CDH23: variants seen among roughly 807,000 people sequenced by gnomAD.
The protein encoded by CDH23 is cadherin-23.
Under a neutral mutation model 317.1 loss-of-function variants are expected in CDH23, and 189 were observed. That is an observed-to-expected ratio of 0.60 (90% CI 0.53 to 0.67). The LOEUF is 0.67. Ranked by LOEUF, CDH23 falls within the 30% of genes least tolerant of loss-of-function variation. The pLI, the probability that CDH23 is intolerant of heterozygous loss-of-function variation, is 0.00. For missense variants in CDH23, 4,401 were observed against 4,592.4 expected (o/e 0.96, Z 1.20); for synonymous variants, 1,839 against 1,876.8 (o/e 0.98, Z 0.52).
rs1259106647 is a variant in CDH23, at chr10:71,807,310, C to T, written c.8212C>T (p.Pro2738Ser). 5 of 1,613,776 alleles carry T rather than the reference C, an allele frequency of 3.1e-6. No homozygotes were observed. Among genetic ancestry groups the T allele is most frequent in the Non-Finnish European group, 4.2e-6 (5 of 1,179,844 alleles). The part of the protein sequence containing the change: ...GSPQYQLLTV[P>S]EHSPRGTLVG... The stretch of plus-strand genomic sequence containing the variant: ...CCCCCAGTACCAGCTGCTGACAGTG[C>T]CTGAGCACTCACCACGCGGCACCCT... Residue 2738 changes from proline to serine, a missense_variant, in exon 58 of 70, where the codon CCT becomes TCT. This residue lies in a region of CDH23 where 1,144 missense variants were observed against 1,138.2 expected (regional missense o/e 1.01). Coordinates refer to ENST00000224721, the MANE Select transcript of CDH23 (RefSeq NM_022124.6).
At chr10:71,428,142 T>TC (rs55670161) in intron 1 of CDH23, among the ~76,000 whole-genome samples, 54,865 of 137,656 alleles carry the variant, frequency 0.4, 12,559 homozygotes, top group Non-Finnish European at 0.53. Context: ...TTTCTTTCTT[T>TC]TTTTTTTTTT....
In CDH23 at chr10:71,472,229, G is replaced by A. The variant is rs189229227; in HGVS notation, c.145+25834G>A. 5.3e-5 allele frequency among the ~76,000 whole-genome samples: 8 copies of A among 152,344 alleles called. No individual in the cohort carries two copies. The East Asian group carries it at 7.7e-4, about 15-fold the overall frequency. ...GCCCTGGCAGGAGACTGGATGGTGG[G>A]AGGAAGGGAGGAGCCAGGGTGTTTC... is the stretch of plus-strand genomic sequence containing the variant. On this transcript the variant is annotated intron_variant, in intron 3 of 69. Transcript: ENST00000224721.
intron 38 of CDH23, chr10:71,753,844 A>G (rs922258806): frequency 2.2e-6 from 1 of 456,428 alleles, no homozygotes; most frequent in Non-Finnish European, 4.4e-6. Context: ...ATCTATTCAA[A>G]CCATGGCTAT....
At chr10:71,806,412 T>G in intron 57 of CDH23, 131 bp downstream of exon 57, 3 of 672,178 alleles carry the variant, frequency 4.5e-6, no homozygotes, top group Non-Finnish European at 8.1e-6. Flanking sequence ...TGCATGCACT[T>G]CATGCAAGAA....
intron 6 of CDH23, among the ~76,000 whole-genome samples, chr10:71,547,029 C>T (rs535334685): frequency 7.9e-5 from 12 of 152,302 alleles, no homozygotes; most frequent in African/African-American, 2.6e-4. Flanking sequence ...TTTTTCAGTA[C>T]CTGTTTAATA....
intron 1 of CDH23, among the ~76,000 whole-genome samples, chr10:71,398,869 T>G (rs1847655427): frequency 6.6e-6 from 1 of 151,942 alleles, no homozygotes; most frequent in South Asian, 2.1e-4. Flanking sequence ...CTGCCTCGAG[T>G]GCTGGAGGAC....
Position 71,759,818 on chromosome 10 carries a change from T to TACACACACACACACACACACACAC in CDH23, c.4846-17861_4846-17860insCACACACACACACACACACACACA, listed in dbSNP as rs1487599802. Among the ~76,000 whole-genome samples the TACACACACACACACACACACACAC allele has an allele frequency of 3.9e-5, 2 of 50,788 alleles. 1 individual carries two copies. Among genetic ancestry groups the TACACACACACACACACACACACAC allele is most frequent in the African/African-American group, 1.5e-4 (2 of 13,302 alleles). The allele number at this position is 50,788 out of a possible 152,430, so 33.3% of individuals were successfully genotyped here. On this transcript the variant is annotated intron_variant, in intron 38 of 69. Coordinates refer to ENST00000224721, the MANE Select transcript of CDH23 (RefSeq NM_022124.6). ...CAGAGTGAAACCGTGTTTCAGAAAA[T>TACACACACACACACACACACACAC]ATACACACACACACACACACACACA...
intron 6 of CDH23, among the ~76,000 whole-genome samples, chr10:71,564,460 G>T (rs1043205778): frequency 6.6e-6 from 1 of 152,194 alleles, no homozygotes; most frequent in Non-Finnish European, 1.5e-5. Flanking sequence ...GGTTTTCACC[G>T]CAGGGCATGA....
At chr10:71,445,130 G>C (rs571861905) in intron 2 of CDH23, among the ~76,000 whole-genome samples, 1 of 152,226 alleles carries the variant, frequency 6.6e-6, no homozygotes. Context: ...TTAACAGCAC[G>C]AGCTTTGGGG....
At chr10:71,726,639 A>G (rs1445771297) in intron 30 of CDH23, among the ~76,000 whole-genome samples, 3 of 152,232 alleles carry the variant, frequency 2.0e-5, no homozygotes, top group Non-Finnish European at 4.4e-5. Flanking sequence ...AGTAACCTGG[A>G]CATGCACATA....
At chr10:71,798,329 CCCT>C in intron 49 of CDH23, 22 bp from the exon 50 acceptor site, 2 of 1,568,672 alleles carry the variant, frequency 1.3e-6, no homozygotes, top group Non-Finnish European at 1.8e-6. Flanking sequence ...CTTCCCCTCT[CCCT>C]CACTCCCTGC....
At chr10:71,638,744 C>T (rs899668634) in intron 11 of CDH23, among the ~76,000 whole-genome samples, 1 of 152,216 alleles carries the variant, frequency 6.6e-6, no homozygotes, top group Non-Finnish European at 1.5e-5. Context: ...GCTGGACAAC[C>T]ACGCTGGGTC....
chr10:71,616,489 G>A (rs145918733), intron 10 of CDH23, among the ~76,000 whole-genome samples: 8 of 152,354 alleles, frequency 5.3e-5, no homozygotes, highest in African/African-American at 1.9e-4. Context: ...ACCAGAGAGA[G>A]CTGCCCCCTG....
intron 9 of CDH23, among the ~76,000 whole-genome samples, chr10:71,611,787 T>C (rs555866191): frequency 1.6e-4 from 25 of 152,332 alleles, no homozygotes; most frequent in African/African-American, 5.3e-4. Flanking sequence ...ACTTACACTT[T>C]CAATTGTGTG....
intron 3 of CDH23, among the ~76,000 whole-genome samples, chr10:71,453,737 G>C (rs1850558482): frequency 6.6e-6 from 1 of 152,248 alleles, no homozygotes; most frequent in Admixed American, 6.5e-5. Context: ...ACAGGTGAGA[G>C]GGGTCATGGT....
chr10:71,682,239 A>G (rs937893012), intron 17 of CDH23, among the ~76,000 whole-genome samples: 1 of 152,152 alleles, frequency 6.6e-6, no homozygotes, highest in Non-Finnish European at 1.5e-5. Context: ...ACCAGCTATC[A>G]CCTGGTGGGC....
Position 71,808,024 on chromosome 10 carries a change from C to T in CDH23, c.8722+17C>T, listed in dbSNP as rs1841791987. Reference sequence around the variant, plus strand: ...TCACCATGGGTAGGGCCTGGCAGCACATGAGTGGCCTCTAGCCATGACCTC... The same window carrying T: ...TCACCATGGGTAGGGCCTGGCAGCATATGAGTGGCCTCTAGCCATGACCTC... On this transcript the variant is annotated intron_variant, in intron 60 of 69. Transcript: ENST00000224721. 1.3e-6 allele frequency: 2 copies of T among 1,569,880 alleles called. No individual in the cohort carries two copies. Among genetic ancestry groups the T allele is most frequent in the South Asian group, 2.3e-5 (2 of 85,506 alleles).
At chr10:71,592,783 T>G (rs900749878) in intron 9 of CDH23, among the ~76,000 whole-genome samples, 1 of 152,220 alleles carries the variant, frequency 6.6e-6, no homozygotes, top group African/African-American at 2.4e-5. Flanking sequence ...ATGGCCATTC[T>G]TCAGCCCACC....
At chr10:71,704,447 A>T (rs1482417775) in intron 24 of CDH23, among the ~76,000 whole-genome samples, 4 of 152,178 alleles carry the variant, frequency 2.6e-5, no homozygotes, top group African/African-American at 7.2e-5. Context: ...AGAACCCTTG[A>T]TGTAATTTTA....
Sources: allele counts gnomAD v4.1 joint callset (sites outside exome capture counted in the v4.1 genomes callset), GRCh38; gene constraint gnomAD v4.1.1; regional missense constraint gnomAD v4.1.1; transcripts MANE v1.5; gene names NCBI Gene and HGNC (gene_info 2026-07-23, HGNC 2026-07-21).